Variants in RASGRF1 observed in about 807,000 individuals in gnomAD.
RASGRF1 encodes ras-specific guanine nucleotide-releasing factor 1.
In RASGRF1, 40 loss-of-function variants were observed where a neutral mutation model predicts 138.7. The observed-to-expected ratio is 0.29, with a 90% CI of 0.22 to 0.38. RASGRF1 has a LOEUF of 0.38. Ranked by LOEUF, RASGRF1 falls within the 10% of genes least tolerant of loss-of-function variation. The pLI is 1.00. For missense variants in RASGRF1, 1,108 were observed against 1,650.4 expected (o/e 0.67, Z 5.69); for synonymous variants, 614 against 663.2 (o/e 0.93, Z 1.14).
Position 79,072,267 on chromosome 15 carries a change from C to CTTTTTTTTTTTTTTTTTTTTTTTTTTTTT in RASGRF1, c.277-7742_277-7741insAAAAAAAAAAAAAAAAAAAAAAAAAAAAA, listed in dbSNP as rs758415767. Among the ~76,000 whole-genome samples the CTTTTTTTTTTTTTTTTTTTTTTTTTTTTT allele has an allele frequency of 2.8e-4, 17 of 61,586 alleles. 4 individuals are homozygous for CTTTTTTTTTTTTTTTTTTTTTTTTTTTTT. The highest frequency in any genetic ancestry group is 8.6e-4 in the Admixed American group (3 of 3,472). The allele number at this position is 61,586 out of a possible 152,430, so 40.4% of individuals were successfully genotyped here. A position where few individuals can be genotyped will look rare whatever the true frequency, so the allele number is the denominator to read the frequency against. On this transcript the variant is annotated intron_variant, in intron 1 of 26. Coordinates refer to ENST00000558480, the MANE Select transcript of RASGRF1 (RefSeq NM_001145648.3). ...TTTCTGGGAGTTCTTGATAAACAATCTTTTTTTTTTTTTTTTTTTTTTTTT... is the reference window on the plus strand; with the variant it reads ...TTTCTGGGAGTTCTTGATAAACAATCTTTTTTTTTTTTTTTTTTTTTTTTTTTTTTTTTTTTTTTTTTTTTTTTTTTTTT...
At chr15:79,043,680 G>A (rs1223320735) in intron 5 of RASGRF1, among the ~76,000 whole-genome samples, 1 of 152,214 alleles carries the variant, frequency 6.6e-6, no homozygotes, top group Non-Finnish European at 1.5e-5. Flanking sequence ...TTGGGATGAA[G>A]AAGTGGCTAC....
At chr15:79,005,420 C>A in intron 14 of RASGRF1, 1 of 985,254 alleles carries the variant, frequency 1.0e-6, no homozygotes, top group Non-Finnish European at 1.2e-6. Flanking sequence ...AGCCTCTGAG[C>A]CTCTGAGGGC....
Position 79,015,334 on chromosome 15 carries a change from T to C in RASGRF1, c.1819A>G (p.Met607Val). The change falls in exon 13 of 27, where the codon ATG becomes GTG. Residue 607 changes from methionine (M) to valine (V), a missense_variant. Met to Val is a conservative substitution (Grantham distance 21). Around this residue, in one of 3 missense-constraint regions of RASGRF1, gnomAD observed 686 missense variants for 976.7 expected, o/e 0.70. Transcript: ENST00000558480. Reference protein sequence around the residue: ...EENSKVTVPQMIKSDASLYCD... With the variant: ...EENSKVTVPQVIKSDASLYCD... Reference sequence around the variant, plus strand: ...GGGGTTAAGGGCACTTACTTGATCATCTGCGGCACAGTGACCTTGGAATTT... The same window carrying C: ...GGGGTTAAGGGCACTTACTTGATCACCTGCGGCACAGTGACCTTGGAATTT... The C allele has an allele frequency of 1.2e-6, 2 of 1,613,058 alleles. No individual in the cohort carries two copies. Among genetic ancestry groups the C allele is most frequent in the Non-Finnish European group, 1.7e-6 (2 of 1,178,980 alleles).
At chr15:79,016,149 G>A (rs2056876250) in intron 12 of RASGRF1, among the ~76,000 whole-genome samples, 1 of 152,220 alleles carries the variant, frequency 6.6e-6, no homozygotes, top group South Asian at 2.1e-4. Context: ...TGCCATGAGA[G>A]GGTTTCTTCT....
chr15:78,970,546 C>T (rs1287263481), intron 26 of RASGRF1, among the ~76,000 whole-genome samples: 3 of 146,152 alleles, frequency 2.1e-5, no homozygotes, highest in Non-Finnish European at 3.0e-5. Flanking sequence ...TTGATTGAAC[C>T]CGGGAGGTGG....
chr15:79,047,369 C>T (rs1036010247), intron 4 of RASGRF1, among the ~76,000 whole-genome samples: 20 of 152,158 alleles, frequency 1.3e-4, no homozygotes, highest in Admixed American at 7.9e-4. Context: ...TGGAAGCATT[C>T]GCTGGAGGAG....
rs1317062907 is a variant in RASGRF1 at position 79,006,344 on chromosome 15, A to C, written c.1917T>G (p.Ser639Arg). ...SCKVLQIRYA[S>R]VERLLERLTD... ...TCAGCCTCTCCAGCAGCCGCTCCAC[A>C]CTGGCGTAGCGGATCTGCAGCACTT... is the stretch of plus-strand genomic sequence containing the variant. Residue 639 changes from serine to arginine, a missense_variant, in exon 14 of 27, where the codon AGT (serine) becomes AGG (arginine). Physicochemically the swap from Ser to Arg is moderately radical, Grantham distance 110 (BLOSUM62 -1). This residue lies in a region of RASGRF1 where 686 missense variants were observed against 976.7 expected (regional missense o/e 0.70). Transcript: ENST00000558480. The surrounding 1 kb of genome is among the most constrained non-coding windows in gnomAD (Gnocchi z 4.0). 6.2e-7 allele frequency: 1 copy of C among 1,614,236 alleles called. No individual in the cohort carries two copies.
chr15:79,004,102 C>T lies in RASGRF1; in HGVS notation c.2149G>A (p.Ala717Thr), dbSNP rs755638460. 44 of 1,613,574 alleles carry T rather than the reference C, an allele frequency of 2.7e-5. No individual in the cohort carries two copies. The highest frequency in any genetic ancestry group is 1.6e-4 in the Middle Eastern group (1 of 6,084). ...GGCGGCGAGGAGAACTTGCGGGTGG[C>T]GCGCGGGGACTTGGGGGGTTCACCG... is the stretch of plus-strand genomic sequence containing the variant. ...LYGEPPKSPRATRKFSSPPPL... is the reference protein window; with the variant it reads ...LYGEPPKSPRTTRKFSSPPPL... Residue 717 changes from alanine to threonine, a missense_variant, in exon 15 of 27, where the codon GCC becomes ACC. Transcript: ENST00000558480.
intron 20 of RASGRF1, among the ~76,000 whole-genome samples, chr15:78,993,528 G>A (rs2056326485): frequency 6.6e-6 from 1 of 152,108 alleles, no homozygotes; most frequent in Non-Finnish European, 1.5e-5. Context: ...ACAGAAAGGA[G>A]AGTGGCAGGG....
At chr15:79,049,679 G>C (rs1280975067) in intron 3 of RASGRF1, 91 bp from the exon 4 acceptor site, 10 of 1,052,504 alleles carry the variant, frequency 9.5e-6, no homozygotes, top group Non-Finnish European at 1.2e-5. Flanking sequence ...CAGGGTGGCA[G>C]CCGAGTGCCC....
chr15:79,048,755 C>T (rs1262918088), intron 4 of RASGRF1, among the ~76,000 whole-genome samples: 1 of 152,224 alleles, frequency 6.6e-6, no homozygotes, highest in African/African-American at 2.4e-5. Flanking sequence ...CTGAACTTGG[C>T]CCATGGGATG....
chr15:78,982,417 G>C (rs2056054777), intron 23 of RASGRF1, among the ~76,000 whole-genome samples: 1 of 152,126 alleles, frequency 6.6e-6, no homozygotes, highest in East Asian at 1.9e-4. Context: ...TCTATGGCCT[G>C]GGAAGCCACA....
chr15:79,002,548 C>T (rs1312383927), intron 15 of RASGRF1, among the ~76,000 whole-genome samples: 5 of 152,192 alleles, frequency 3.3e-5, no homozygotes, highest in Non-Finnish European at 7.4e-5. Context: ...AACAAATACA[C>T]ATACACACAC....
chr15:78,989,217 T>C (rs2056221658), intron 22 of RASGRF1, among the ~76,000 whole-genome samples: 1 of 152,196 alleles, frequency 6.6e-6, no homozygotes, highest in African/African-American at 2.4e-5. Context: ...TGGGGGTGTG[T>C]GATGCACCCA....
rs913798147 is a variant in RASGRF1 at position 78,973,193 on chromosome 15, G to A, written c.3612+110C>T. ...GCTGGACCCAGGCTCCCAAATGGGG[G>A]CACCCTATGCAGCAGGTTGGGCCTT... On this transcript the variant is annotated intron_variant, in intron 25 of 26. Transcript: ENST00000558480. The surrounding 1 kb of genome is among the most constrained non-coding windows in gnomAD (Gnocchi z 4.9). 1.1e-5 allele frequency: 9 copies of A among 822,246 alleles called. No individual in the cohort carries two copies. Among genetic ancestry groups the A allele is most frequent in the Non-Finnish European group, 1.7e-5 (9 of 519,098 alleles). 50.9% of individuals were successfully genotyped at this position (822,246 alleles called of 1,614,324 possible). A position where few individuals can be genotyped will look rare whatever the true frequency, so the allele number is the denominator to read the frequency against.
intron 8 of RASGRF1, among the ~76,000 whole-genome samples, chr15:79,030,796 T>C (rs1488690110): frequency 1.3e-5 from 2 of 152,250 alleles, no homozygotes; most frequent in East Asian, 3.8e-4. Flanking sequence ...CTGGAACCTC[T>C]TCCTGGATGA....
intron 6 of RASGRF1, among the ~76,000 whole-genome samples, chr15:79,033,916 A>T (rs2057182072): frequency 6.6e-6 from 1 of 152,190 alleles, no homozygotes; most frequent in African/African-American, 2.4e-5. Flanking sequence ...AGTCCCATTT[A>T]AGAAAGGAAA....
chr15:79,055,320 C>A (rs1430736864), intron 3 of RASGRF1, among the ~76,000 whole-genome samples: 1 of 152,120 alleles, frequency 6.6e-6, no homozygotes, highest in African/African-American at 2.4e-5. Flanking sequence ...CCACTCAGAG[C>A]CAGCAACTAC....
intron 18 of RASGRF1, 57 bp from the exon 19 acceptor site, chr15:78,998,265 G>A (rs1459450501): frequency 7.1e-7 from 1 of 1,417,928 alleles, no homozygotes; most frequent in Non-Finnish European, 1.0e-6. Context: ...GCTCTGCAGT[G>A]GTCTGGGCCC....
Sources: gnomAD v4.1 joint callset for allele counts (sites outside exome capture counted in the v4.1 genomes callset) on GRCh38, gnomAD v4.1.1 for gene constraint, gnomAD v4.1.1 regional missense constraint, Gnocchi (gnomAD v3.1) non-coding constraint, MANE v1.5 for transcripts, NCBI Gene and HGNC (gene_info 2026-07-23, HGNC 2026-07-21) for gene names.